The following RAB6A variants were observed in gnomAD, a reference collection of about 807,000 sequenced individuals.
RAB6A encodes the protein ras-related protein Rab-6A.
A neutral mutation model predicts 32.3 loss-of-function variants in RAB6A; 8 were observed. That is an observed-to-expected ratio of 0.25 (90% CI 0.15 to 0.45). The LOEUF is 0.45. RAB6A is among the 20% of genes least tolerant of loss of function. The pLI is 1.00. For synonymous variants in RAB6A, 73 were observed against 82.1 expected, an observed-to-expected ratio of 0.89 and a Z score of 0.60; for missense variants, 104 against 249.4, an observed-to-expected ratio of 0.42 and a Z score of 3.93.
rs199917781 is a variant in RAB6A at position 73,692,622 on chromosome 11, ACT to A, written c.496-12904_496-12903del. Among the ~76,000 whole-genome samples the A allele has an allele frequency of 6.6e-3, 999 of 150,946 alleles. 14 individuals are homozygous for A. Among genetic ancestry groups the A allele is most frequent in the African/African-American group, 0.023 (954 of 41,170 alleles). On this transcript the variant is annotated intron_variant, in intron 6 of 7. Transcript: ENST00000336083. ...CATAAGAGGGTTACAGTGAGGGAAA[ACT>A]CTGACTAAATTAGATGAACGTCAAC...
At chr11:73,687,901 A>C (rs780329707) in intron 6 of RAB6A, among the ~76,000 whole-genome samples, 5 of 152,234 alleles carry the variant, frequency 3.3e-5, no homozygotes, top group African/African-American at 4.8e-5. Context: ...TAGACTGTCA[A>C]GTAATTTGGA....
intron 3 of RAB6A, among the ~76,000 whole-genome samples, chr11:73,720,180 CTTT>C (rs10688172): frequency 6.1e-5 from 8 of 130,686 alleles, no homozygotes; most frequent in Non-Finnish European, 8.0e-5. Flanking sequence ...ATACACATTA[CTTT>C]TTTTTTTTTT....
At chr11:73,703,715 T>C (rs1426252825) in intron 6 of RAB6A, among the ~76,000 whole-genome samples, 1 of 151,980 alleles carries the variant, frequency 6.6e-6, no homozygotes. Flanking sequence ...CACTCCAGCC[T>C]GGGCAACAGA....
chr11:73,696,657 T>A (rs1388699046), intron 6 of RAB6A, among the ~76,000 whole-genome samples: 1 of 152,076 alleles, frequency 6.6e-6, no homozygotes, highest in Admixed American at 6.6e-5. Flanking sequence ...TCTTGCTCTG[T>A]CTCCCATGCA....
intron 7 of RAB6A, among the ~76,000 whole-genome samples, chr11:73,679,330 G>A (rs1474431477): frequency 6.6e-6 from 1 of 152,156 alleles, no homozygotes; most frequent in African/African-American, 2.4e-5. Context: ...ATGAAAATTT[G>A]ATATTCCATG....
intron 1 of RAB6A, among the ~76,000 whole-genome samples, chr11:73,757,125 A>G (rs1426936040): frequency 2.2e-5 from 1 of 46,138 alleles, no homozygotes; most frequent in Non-Finnish European, 3.6e-5. Context: ...ATATATATAT[A>G]TATATTTTTT....
chr11:73,699,885 A>C (rs1209867724), intron 6 of RAB6A, among the ~76,000 whole-genome samples: 1 of 152,192 alleles, frequency 6.6e-6, no homozygotes. Context: ...GATCACCACC[A>C]ATGCATAAGG....
intron 1 of RAB6A, among the ~76,000 whole-genome samples, chr11:73,731,898 T>A (rs1323887021): frequency 6.6e-6 from 1 of 150,842 alleles, no homozygotes; most frequent in East Asian, 2.0e-4. Context: ...CACGCCACCA[T>A]GCCGAGCTAA....
intron 2 of RAB6A, among the ~76,000 whole-genome samples, chr11:73,721,361 C>T (rs1946130902): frequency 6.6e-6 from 1 of 152,128 alleles, no homozygotes. Context: ...GACTCACAAA[C>T]ATCATAACTT....
At chr11:73,698,602 G>A (rs993224226) in intron 6 of RAB6A, among the ~76,000 whole-genome samples, 2 of 152,046 alleles carry the variant, frequency 1.3e-5, no homozygotes, top group African/African-American at 2.4e-5. Context: ...CAGTTGACTC[G>A]TAGGATTGTT....
chr11:73,723,042 A>G (rs1000754229), intron 2 of RAB6A, among the ~76,000 whole-genome samples: 1 of 152,078 alleles, frequency 6.6e-6, no homozygotes, highest in African/African-American at 2.4e-5. Context: ...CCTGGCCTCA[A>G]GTGATTCCCC....
intron 6 of RAB6A, among the ~76,000 whole-genome samples, chr11:73,693,056 C>G (rs1590831618): frequency 6.6e-6 from 1 of 152,094 alleles, no homozygotes; most frequent in East Asian, 1.9e-4. Context: ...TGGCTGGGCA[C>G]AGAGGCAGAT....
At chr11:73,695,853 G>A (rs898251762) in intron 6 of RAB6A, among the ~76,000 whole-genome samples, 4 of 152,186 alleles carry the variant, frequency 2.6e-5, no homozygotes, top group African/African-American at 9.7e-5. Context: ...AATTAGTTCA[G>A]GGATGATGAC....
At chr11:73,722,305 G>GTATGTGTGTGTGTGTGTGTA (rs1555061991) in intron 2 of RAB6A, 9 of 42,366 alleles carry the variant, frequency 2.1e-4, no homozygotes, top group South Asian at 1.1e-3. Context: ...ATGTGTGTGT[G>GTATGTGTGTGTGTGTGTGTA]TATATATATA....
chr11:73,744,331 C>G (rs1363280321), intron 1 of RAB6A, among the ~76,000 whole-genome samples: 2 of 118,354 alleles, frequency 1.7e-5, no homozygotes, highest in Non-Finnish European at 3.7e-5. Context: ...AAGGGAGACT[C>G]CATCTCAAAA....
Position 73,677,694 on chromosome 11 carries a change from T to C in RAB6A, c.*204A>G. The C allele has an allele frequency of 8.8e-6, 12 of 1,366,768 alleles. No homozygotes were observed. Among genetic ancestry groups the C allele is most frequent in the Non-Finnish European group, 1.2e-5 (12 of 1,019,656 alleles). 84.7% of individuals were successfully genotyped at this position (1,366,768 alleles called of 1,614,324 possible). ...TATGCTGAAATATTTTGGCTTTTTG[T>C]AAAATATAAATAATGAAGACACTGA... On this transcript the variant is annotated 3_prime_UTR_variant, in exon 8 of 8. Coordinates refer to ENST00000336083, the MANE Select transcript of RAB6A (RefSeq NM_198896.2).
chr11:73,707,086 C>T (rs1945857837), intron 6 of RAB6A, among the ~76,000 whole-genome samples: 1 of 137,622 alleles, frequency 7.3e-6, no homozygotes, highest in Non-Finnish European at 1.5e-5. Flanking sequence ...CCATTGCATT[C>T]AAGCCTCGGC....
At chr11:73,752,198 C>T (rs1207106634) in intron 1 of RAB6A, among the ~76,000 whole-genome samples, 1 of 152,160 alleles carries the variant, frequency 6.6e-6, no homozygotes, top group African/African-American at 2.4e-5. Context: ...GTGACTCCCA[C>T]CTGTAATCCC....
intron 1 of RAB6A, among the ~76,000 whole-genome samples, chr11:73,754,417 T>A (rs1232490092): frequency 6.6e-6 from 1 of 152,160 alleles, no homozygotes; most frequent in Non-Finnish European, 1.5e-5. Context: ...TTATTTGAAT[T>A]TTTCACTCTT....
Sources: allele counts gnomAD v4.1 joint callset (sites outside exome capture counted in the v4.1 genomes callset), GRCh38; gene constraint gnomAD v4.1.1; transcripts MANE v1.5; gene names NCBI Gene and HGNC (gene_info 2026-07-23, HGNC 2026-07-21).